BRAF: variants seen among roughly 807,000 people sequenced by gnomAD.
BRAF encodes the protein serine/threonine-protein kinase B-raf.
In BRAF, 16 loss-of-function variants were observed where a neutral mutation model predicts 104.6. That is an observed-to-expected ratio of 0.15 (90% CI 0.10 to 0.23). The LOEUF (loss-of-function observed/expected upper bound fraction) is 0.23, where lower values mean the gene tolerates loss of function less well. BRAF is among the 10% of genes least tolerant of loss of function. The pLI is 1.00. For missense variants in BRAF, 541 were observed against 937.3 expected (o/e 0.58, Z 5.52); for synonymous variants, 310 against 341.6 (o/e 0.91, Z 1.02).
rs1427423093 is a variant in BRAF, at chr7:140,723,214, A to G, written c.*3280T>C. ...CTGAGGAGGATGTGCAGCAGCTCGC[A>G]CTCCGCCTGGTGAATACAAGGTAAC... is the stretch of plus-strand genomic sequence containing the variant. On this transcript the variant is annotated 3_prime_UTR_variant, in exon 20 of 20. Transcript: ENST00000644969. The G allele has an allele frequency of 9.5e-7, 1 of 1,054,052 alleles. No individual in the cohort carries two copies. Among genetic ancestry groups the G allele is most frequent in the Non-Finnish European group, 1.1e-6 (1 of 872,510 alleles). 65.3% of individuals were successfully genotyped at this position (1,054,052 alleles called of 1,614,324 possible). A position where few individuals can be genotyped will look rare whatever the true frequency, so the allele number is the denominator to read the frequency against.
downstream of BRAF, among the ~76,000 whole-genome samples, chr7:140,717,742 T>C (rs1023352630): frequency 3.9e-5 from 6 of 152,172 alleles, no homozygotes; most frequent in African/African-American, 1.4e-4. Flanking sequence ...ACCTCACATA[T>C]ATGGTATAGT....
At chr7:140,864,387 G>A (rs1810722088) in intron 1 of BRAF, among the ~76,000 whole-genome samples, 1 of 152,142 alleles carries the variant, frequency 6.6e-6, no homozygotes, top group Non-Finnish European at 1.5e-5. Flanking sequence ...ATGCCATGAG[G>A]GAGAGAAATC....
intron 2 of BRAF, among the ~76,000 whole-genome samples, chr7:140,843,870 G>C (rs999427329): frequency 3.9e-5 from 6 of 152,000 alleles, no homozygotes; most frequent in African/African-American, 1.4e-4. Flanking sequence ...TTAGATGGGC[G>C]TGGTGGCGGG....
chr7:140,718,743 T>C, downstream of BRAF, among the ~76,000 whole-genome samples: 1 of 152,184 alleles, frequency 6.6e-6, no homozygotes, highest in East Asian at 1.9e-4. Context: ...TAATTTGATA[T>C]ATTTTGTCTG....
At chr7:140,842,730 C>T (rs1051674178) in intron 2 of BRAF, among the ~76,000 whole-genome samples, 2 of 152,008 alleles carry the variant, frequency 1.3e-5, no homozygotes, top group African/African-American at 4.8e-5. Context: ...AAAAAGGGAA[C>T]CAAAGATCAA....
intron 1 of BRAF, among the ~76,000 whole-genome samples, chr7:140,864,556 C>T (rs575880063): frequency 9.2e-5 from 14 of 152,200 alleles, no homozygotes; most frequent in Admixed American, 8.5e-4. Context: ...GCCAAGAAGG[C>T]TCAGCCCTGG....
intron 2 of BRAF, among the ~76,000 whole-genome samples, chr7:140,842,920 G>A (rs186204519): frequency 6.6e-6 from 1 of 152,268 alleles, no homozygotes; most frequent in Non-Finnish European, 1.5e-5. Flanking sequence ...GATTTCTGAT[G>A]GTGGTGTAAC....
intron 18 of BRAF, among the ~76,000 whole-genome samples, chr7:140,739,240 T>C (rs1796695720): frequency 6.6e-6 from 1 of 152,148 alleles, no homozygotes; most frequent in South Asian, 2.1e-4. Context: ...TGTCATTATT[T>C]TACAAGCGTT....
intron 1 of BRAF, among the ~76,000 whole-genome samples, chr7:140,885,677 A>T (rs1473424461): frequency 1.3e-5 from 2 of 152,254 alleles, no homozygotes; most frequent in Non-Finnish European, 2.9e-5. Flanking sequence ...GTCTACACAT[A>T]GTACCTGGCA....
intron 17 of BRAF, among the ~76,000 whole-genome samples, chr7:140,747,793 A>G (rs1797473039): frequency 1.3e-5 from 2 of 152,148 alleles, no homozygotes; most frequent in Non-Finnish European, 2.9e-5. Context: ...TGCTACCCCA[A>G]CTGCCATTGT....
At chr7:140,819,240 C>A (rs1253924753) in intron 3 of BRAF, among the ~76,000 whole-genome samples, 1 of 152,120 alleles carries the variant, frequency 6.6e-6, no homozygotes, top group Non-Finnish European at 1.5e-5. Flanking sequence ...CAAATCCTTT[C>A]TCCACAAAGA....
Position 140,797,553 on chromosome 7 carries a change from C to T in BRAF, c.980+2809G>A, listed in dbSNP as rs544968592. On this transcript the variant is annotated intron_variant, in intron 7 of 19. Coordinates refer to ENST00000644969, the MANE Select transcript of BRAF (RefSeq NM_001374258.1). ...ATAAAAACATCAGGAAAATGACTTA[C>T]AGACAAGTTTGAACATCTTATCATT... Among the ~76,000 whole-genome samples the T allele has an allele frequency of 1.4e-4, 22 of 152,278 alleles. No homozygotes were observed. In the South Asian group the frequency reaches 1.5e-3, roughly 10 times the overall value.
intron 1 of BRAF, among the ~76,000 whole-genome samples, chr7:140,922,620 A>G (rs73502787): frequency 0.025 from 3,805 of 152,314 alleles, 175 homozygotes; most frequent in African/African-American, 0.085. Context: ...ACAAAACTAC[A>G]CATCTATTAC....
At chr7:140,858,418 T>C (rs1216780137) in intron 1 of BRAF, among the ~76,000 whole-genome samples, 1 of 152,186 alleles carries the variant, frequency 6.6e-6, no homozygotes, top group East Asian at 1.9e-4. Context: ...CTCTAAGACA[T>C]TTTTCTTCTC....
intron 1 of BRAF, among the ~76,000 whole-genome samples, chr7:140,893,406 T>C (rs1479409298): frequency 2.6e-5 from 4 of 152,030 alleles, no homozygotes; most frequent in Non-Finnish European, 4.4e-5. Flanking sequence ...CCCGCCACCA[T>C]GCCTGGCTAA....
chr7:140,782,992 A>G, intron 11 of BRAF, 29 bp downstream of exon 10: 2 of 1,611,222 alleles, frequency 1.2e-6, no homozygotes, highest in Non-Finnish European at 1.7e-6. Flanking sequence ...GAAAGAATTC[A>G]GAGAAAAAAA....
In BRAF at chr7:140,891,079, T is replaced by C. The variant is rs779114483; in HGVS notation, c.138+33487A>G. On this transcript the variant is annotated intron_variant, in intron 1 of 19. Coordinates refer to ENST00000644969, the MANE Select transcript of BRAF (RefSeq NM_001374258.1). ...ACAGTACAGTAGAGGTATACAGTTA[T>C]AGGCTCCTATACTACAAAGTGGTTA... Among the ~76,000 whole-genome samples, 6 of 152,222 alleles carry C rather than the reference T, an allele frequency of 3.9e-5. No homozygotes were observed. The South Asian group carries it at 1.0e-3, about 26-fold the overall frequency.
chr7:140,815,624 C>G lies in BRAF; in HGVS notation c.505-6629G>C, dbSNP rs548340103. On this transcript the variant is annotated intron_variant, in intron 3 of 19. Coordinates refer to ENST00000644969, the MANE Select transcript of BRAF (RefSeq NM_001374258.1). ...AATTTTTTTGTATTGTTAGTAAAGA[C>G]GGGGTTTTAGTATGTTCCTCAGGCT... Among the ~76,000 whole-genome samples, 4 of 150,544 alleles carry G rather than the reference C, an allele frequency of 2.7e-5. No homozygotes were observed. In the East Asian group the frequency reaches 7.9e-4, roughly 30 times the overall value.
At position 140,722,489 on chromosome 7, in the gene BRAF, T is replaced by C; in HGVS notation, c.*4005A>G. On this transcript the variant is annotated 3_prime_UTR_variant, in exon 20 of 20. Coordinates refer to ENST00000644969, the MANE Select transcript of BRAF (RefSeq NM_001374258.1). Reference sequence around the variant, plus strand: ...TTTTTCTAGAGCCTCACCTACACCATTTCAACTCATGACCTGTAAGCTATT... The same window carrying C: ...TTTTTCTAGAGCCTCACCTACACCACTTCAACTCATGACCTGTAAGCTATT... 11 of 1,055,836 alleles carry C rather than the reference T, an allele frequency of 1.0e-5. No homozygotes were observed. The highest frequency in any genetic ancestry group is 1.3e-5 in the Non-Finnish European group (11 of 873,346). 65.4% of individuals were successfully genotyped at this position (1,055,836 alleles called of 1,614,324 possible).
Sources: gnomAD v4.1 joint callset for allele counts (sites outside exome capture counted in the v4.1 genomes callset) on GRCh38, gnomAD v4.1.1 for gene constraint, MANE v1.5 for transcripts, NCBI Gene and HGNC (gene_info 2026-07-23, HGNC 2026-07-21) for gene names.